Variants in SGK1 observed in about 807,000 individuals in gnomAD.
SGK1 encodes serine/threonine-protein kinase Sgk1.
In SGK1, 26 loss-of-function variants were observed where a neutral mutation model predicts 64.2. The observed-to-expected ratio is 0.40, with a 90% CI of 0.30 to 0.56. The LOEUF is 0.56. SGK1 is among the 20% of genes least tolerant of loss of function. The pLI is 0.38. For missense variants in SGK1, 519 were observed against 645.6 expected, an observed-to-expected ratio of 0.80 and a Z score of 2.12; for synonymous variants, 265 against 239.7, an observed-to-expected ratio of 1.11 and a Z score of -0.98.
chr6:134,267,077 C>T (rs72974335), intron 1 of SGK1, among the ~76,000 whole-genome samples: 1,631 of 152,146 alleles, frequency 0.011, 15 homozygotes, highest in Non-Finnish European at 0.018. Flanking sequence ...AAGTTGTATG[C>T]CTGGACTAAG....
chr6:134,215,354 G>T (rs904403038), intron 2 of SGK1, among the ~76,000 whole-genome samples: 2 of 151,722 alleles, frequency 1.3e-5, no homozygotes, highest in East Asian at 3.9e-4. Context: ...GACCTCAAGA[G>T]ATCTGCTCAC....
At chr6:134,232,734 C>A (rs1478575360) in intron 2 of SGK1, among the ~76,000 whole-genome samples, 1 of 151,572 alleles carries the variant, frequency 6.6e-6, no homozygotes, top group Non-Finnish European at 1.5e-5. Context: ...GCCGGTAATC[C>A]CAGCTACCTG....
chr6:134,237,592 G>T (rs1226359623), intron 2 of SGK1, among the ~76,000 whole-genome samples: 2 of 152,058 alleles, frequency 1.3e-5, no homozygotes, highest in African/African-American at 4.8e-5. Context: ...GAGGAGAATC[G>T]CTTGAACCCG....
intron 2 of SGK1, among the ~76,000 whole-genome samples, chr6:134,258,504 A>G (rs111535716): frequency 7.2e-5 from 11 of 152,300 alleles, no homozygotes; most frequent in African/African-American, 2.4e-4. Flanking sequence ...CAGGAGTTTG[A>G]GAATAGCCTT....
intron 2 of SGK1, among the ~76,000 whole-genome samples, chr6:134,219,782 GGGCGCGGT>G (rs1562255111): frequency 6.9e-6 from 1 of 145,056 alleles, no homozygotes; most frequent in Admixed American, 6.9e-5. Flanking sequence ...AAAAGAGGCC[GGGCGCGGT>G]GGCTCACGCC....
intron 2 of SGK1, among the ~76,000 whole-genome samples, chr6:134,237,362 T>C (rs1040732237): frequency 4.0e-5 from 6 of 151,710 alleles, no homozygotes; most frequent in Non-Finnish European, 8.8e-5. Context: ...TGGCCTGAAA[T>C]TAATTTTCAC....
Position 134,262,044 on chromosome 6 carries a change from T to G in SGK1, c.174A>C (p.Pro58=). The change falls in exon 2 of 14, where the codon CCA becomes CCC. Residue 58 remains proline (P), a synonymous_variant. Coordinates refer to ENST00000367858, the MANE Select transcript of SGK1 (RefSeq NM_001143676.3). ...SSMVHIPPGE[P]DFESSLCQTC... is the part of the protein sequence containing the mutation. ...TTTGACACAAGGAAGACTCGAAGTC[T>G]GGCTCCCCTGGAGGGATGTGCACCA... is the stretch of plus-strand genomic sequence containing the variant. The G allele has an allele frequency of 1.2e-6, 2 of 1,613,936 alleles. No individual in the cohort carries two copies. The highest frequency in any genetic ancestry group is 1.7e-6 in the Non-Finnish European group (2 of 1,179,788).
chr6:134,171,173 A>G lies in SGK1; in HGVS notation c.1173T>C (p.Pro391=), dbSNP rs1158427635. 1 of 1,614,028 alleles carries G rather than the reference A, an allele frequency of 6.2e-7. No homozygotes were observed. Among genetic ancestry groups the G allele is most frequent in the African/African-American group, 1.3e-5 (1 of 74,936 alleles). The change falls in exon 12 of 14, where the codon CCT becomes CCC. Residue 391 remains proline, a synonymous_variant. Transcript: ENST00000367858. The stretch of plus-strand genomic sequence containing the variant: ...TTTCAGCTGTGTTTCGGCTATAAAA[A>G]GGCGGCTGAAAGAAGGGGAAAATTA... ...VLYEMLYGLP[P]FYSRNTAEMY... is the part of the protein sequence containing the mutation.
At chr6:134,225,008 C>CAA (rs779785039) in intron 2 of SGK1, among the ~76,000 whole-genome samples, 4,591 of 39,304 alleles carry the variant, frequency 0.12, 345 homozygotes, top group East Asian at 0.29. Context: ...GACTCCATCT[C>CAA]AAAAAAAAAA....
chr6:134,257,337 G>A (rs12665059), intron 2 of SGK1, among the ~76,000 whole-genome samples: 13,516 of 152,102 alleles, frequency 0.089, 680 homozygotes, highest in Admixed American at 0.16. Context: ...CAGGAGGCAG[G>A]GGTTACTGTG....
chr6:134,269,099 A>G (rs1562270133), intron 1 of SGK1, among the ~76,000 whole-genome samples: 1 of 147,540 alleles, frequency 6.8e-6, no homozygotes, highest in Non-Finnish European at 1.5e-5. Flanking sequence ...AATTTAAAAT[A>G]GTTTAGCTGA....
At chr6:134,281,553 G>A (rs187967623) in intron 1 of SGK1, among the ~76,000 whole-genome samples, 168 of 148,594 alleles carry the variant, frequency 1.1e-3, no homozygotes, top group African/African-American at 4.0e-3. Flanking sequence ...ATTCTCAGTC[G>A]GTCTCCCAGG....
intron 2 of SGK1, among the ~76,000 whole-genome samples, chr6:134,252,695 G>A (rs1356624021): frequency 1.4e-5 from 2 of 143,444 alleles, no homozygotes; most frequent in African/African-American, 5.1e-5. Context: ...ATTCATCTAA[G>A]TTTATTTAGT....
intron 1 of SGK1, among the ~76,000 whole-genome samples, chr6:134,269,585 G>A (rs1418043975): frequency 6.9e-6 from 1 of 145,642 alleles, no homozygotes; most frequent in Non-Finnish European, 1.5e-5. Context: ...TTGAACCCAG[G>A]AGCCGGAGGT....
At chr6:134,232,414 A>AGAAAGAAAGAAG (rs1776295939) in intron 2 of SGK1, among the ~76,000 whole-genome samples, 1 of 68,722 alleles carries the variant, frequency 1.5e-5, no homozygotes, top group African/African-American at 9.5e-5. Context: ...AGAAAGAAAG[A>AGAAAGAAAGAAG]GAAAGAAAGA....
At chr6:134,254,520 T>C (rs1776652140) in intron 2 of SGK1, among the ~76,000 whole-genome samples, 1 of 152,178 alleles carries the variant, frequency 6.6e-6, no homozygotes, top group Non-Finnish European at 1.5e-5. Context: ...GTGAGTATGG[T>C]GTTTTCCCCA....
At chr6:134,170,562 C>A (rs1582678405) in intron 13 of SGK1, 127 bp from the exon 14 acceptor site, 1 of 873,914 alleles carries the variant, frequency 1.1e-6, no homozygotes, top group East Asian at 2.5e-5. Context: ...CCACTTCAAG[C>A]ACAAAATCTC....
At chr6:134,241,532 C>A (rs533190995) in intron 2 of SGK1, among the ~76,000 whole-genome samples, 1 of 152,076 alleles carries the variant, frequency 6.6e-6, no homozygotes, top group African/African-American at 2.4e-5. Flanking sequence ...TCTCCCTCCT[C>A]GGAATTTGTA....
intron 1 of SGK1, among the ~76,000 whole-genome samples, chr6:134,315,590 T>C (rs879165570): frequency 6.6e-6 from 1 of 152,250 alleles, no homozygotes; most frequent in Admixed American, 6.5e-5. Context: ...TTAAAATTTA[T>C]GTAACTTAAA....
Sources: gnomAD v4.1 joint callset for allele counts (sites outside exome capture counted in the v4.1 genomes callset) on GRCh38, gnomAD v4.1.1 for gene constraint, MANE v1.5 for transcripts, NCBI Gene and HGNC (gene_info 2026-07-23, HGNC 2026-07-21) for gene names.